SV2C: variants seen among roughly 807,000 people sequenced by gnomAD.
SV2C encodes the protein synaptic vesicle glycoprotein 2C.
SV2C carries 49 observed loss-of-function variants against 79.7 expected under a neutral mutation model. The ratio of observed to expected loss-of-function variants is 0.61; its 90% confidence interval spans 0.49 to 0.78. The LOEUF (loss-of-function observed/expected upper bound fraction) is 0.78, where lower values mean the gene tolerates loss of function less well. Among genes scored for constraint, SV2C ranks in the 30% least tolerant of loss-of-function variants. The pLI, the probability that SV2C is intolerant of heterozygous loss-of-function variation, is 0.00. For missense variants in SV2C, 833 were observed against 912.9 expected, an observed-to-expected ratio of 0.91 and a Z score of 1.13; for synonymous variants, 334 against 333.2, an observed-to-expected ratio of 1.00 and a Z score of -0.03.
intron 9 of SV2C, among the ~76,000 whole-genome samples, chr5:76,296,322 A>G (rs1268013921): frequency 6.6e-6 from 1 of 152,166 alleles, no homozygotes; most frequent in Non-Finnish European, 1.5e-5. Context: ...CTGAAATGTG[A>G]TTATATGAGT....
chr5:76,349,598 G>A (rs898891547), intron 12 of SV2C, among the ~76,000 whole-genome samples: 1 of 151,750 alleles, frequency 6.6e-6, no homozygotes, highest in Admixed American at 6.6e-5. Context: ...GAAAATGACT[G>A]ACTAGAAAAA....
the SV2C span, among the ~76,000 whole-genome samples, chr5:76,028,135 C>T: frequency 2.0e-5 from 3 of 152,184 alleles, no homozygotes; most frequent in Admixed American, 6.5e-5. Flanking sequence ...TGTCCCTCCC[C>T]GCATCATGGC....
the SV2C span, among the ~76,000 whole-genome samples, chr5:75,894,831 G>T: frequency 1.3e-5 from 2 of 152,024 alleles, no homozygotes; most frequent in Non-Finnish European, 2.9e-5. Flanking sequence ...CATGTGTAAG[G>T]CTGTGCACAT....
chr5:75,922,338 A>G, the SV2C span, among the ~76,000 whole-genome samples: 1 of 152,160 alleles, frequency 6.6e-6, no homozygotes, highest in Non-Finnish European at 1.5e-5. Flanking sequence ...AATTTATAAA[A>G]CAAGACAAAT....
At chr5:76,312,818 C>T (rs1381924184) in intron 12 of SV2C, among the ~76,000 whole-genome samples, 1 of 152,354 alleles carries the variant, frequency 6.6e-6, no homozygotes, top group African/African-American at 2.4e-5. Context: ...ATTGTTCACA[C>T]CTGCCGATCC....
At chr5:76,242,678 G>T (rs544200422) in intron 4 of SV2C, among the ~76,000 whole-genome samples, 52 of 152,256 alleles carry the variant, frequency 3.4e-4, no homozygotes, top group African/African-American at 1.2e-3. Context: ...TGTCTGACTT[G>T]AAGCCATTCT....
chr5:76,325,303 C>G, intron 12 of SV2C, 61 bp from the exon 13 acceptor site: 1 of 1,552,472 alleles, frequency 6.4e-7, no homozygotes, highest in Non-Finnish European at 8.8e-7. Flanking sequence ...ATCTTTTGGT[C>G]TAAAGTTGGA....
chr5:75,911,224 A>G, the SV2C span: 1 of 1,573,972 alleles, frequency 6.4e-7, no homozygotes, highest in Non-Finnish European at 8.7e-7. Flanking sequence ...GCCCTCTCCT[A>G]CCATTGGGAG....
chr5:75,989,285 T>A, the SV2C span, among the ~76,000 whole-genome samples: 24 of 151,886 alleles, frequency 1.6e-4, no homozygotes, highest in Admixed American at 1.4e-3. Context: ...TAGCTATTCT[T>A]CTTGATGCTG....
chr5:76,035,996 T>C, the SV2C span, among the ~76,000 whole-genome samples: 2 of 152,224 alleles, frequency 1.3e-5, no homozygotes, highest in African/African-American at 4.8e-5. Context: ...TTTACCATTA[T>C]GTAATGGCCT....
At chr5:75,909,690 C>T in the SV2C span, among the ~76,000 whole-genome samples, 39 of 152,300 alleles carry the variant, frequency 2.6e-4, no homozygotes, top group Admixed American at 8.5e-4. Context: ...CTTTAATTCT[C>T]ATTTTGACCT....
chr5:76,172,179 G>A (rs1303929029), intron 2 of SV2C, among the ~76,000 whole-genome samples: 2 of 35,274 alleles, frequency 5.7e-5, no homozygotes, highest in African/African-American at 1.6e-4. Flanking sequence ...CTGCCCGGCC[G>A]CCCCTACTGG....
At chr5:76,005,164 C>G in the SV2C span, among the ~76,000 whole-genome samples, 1 of 152,140 alleles carries the variant, frequency 6.6e-6, no homozygotes, top group South Asian at 2.1e-4. Flanking sequence ...AGGAGGAGAC[C>G]AAGTGGGTGC....
the SV2C span, among the ~76,000 whole-genome samples, chr5:76,068,038 G>T: frequency 1.3e-5 from 2 of 151,708 alleles, no homozygotes; most frequent in Non-Finnish European, 2.9e-5. Context: ...TTATTCTTAC[G>T]TCTCAAATCT....
At chr5:75,883,542 A>G in the SV2C span, among the ~76,000 whole-genome samples, 1 of 147,600 alleles carries the variant, frequency 6.8e-6, no homozygotes, top group Non-Finnish European at 1.5e-5. Context: ...TTGTAGGGAC[A>G]TGGATGAAAT....
the SV2C span, among the ~76,000 whole-genome samples, chr5:75,892,242 AT>A: frequency 6.6e-6 from 1 of 151,402 alleles, no homozygotes; most frequent in Admixed American, 6.6e-5. Context: ...TCACTACCCT[AT>A]TTTTTTAATA....
chr5:76,064,176 A>G, the SV2C span, among the ~76,000 whole-genome samples: 1 of 152,180 alleles, frequency 6.6e-6, no homozygotes, highest in Non-Finnish European at 1.5e-5. Flanking sequence ...ATTAAAGCTA[A>G]TACTAGACTT....
chr5:75,973,508 AAAAAAG>A, the SV2C span, among the ~76,000 whole-genome samples: 4 of 128,122 alleles, frequency 3.1e-5, no homozygotes, highest in African/African-American at 8.1e-5. Context: ...AAAAAAAGAA[AAAAAAG>A]AAAAAGAAAA....
At chr5:76,025,616 T>G in the SV2C span, among the ~76,000 whole-genome samples, 1 of 152,180 alleles carries the variant, frequency 6.6e-6, no homozygotes, top group African/African-American at 2.4e-5. Flanking sequence ...TTCTATGTAT[T>G]GAGATATTGA....
Sources: gnomAD v4.1 joint callset for allele counts (sites outside exome capture counted in the v4.1 genomes callset) on GRCh38, gnomAD v4.1.1 for gene constraint, MANE v1.5 for transcripts, NCBI Gene and HGNC (gene_info 2026-07-23, HGNC 2026-07-21) for gene names.